The following SEMA4D variants were observed in gnomAD, a reference collection of about 807,000 sequenced individuals.
The protein encoded by SEMA4D is semaphorin-4D.
In SEMA4D, 22 loss-of-function variants were observed where a neutral mutation model predicts 74.8. The observed-to-expected ratio is 0.29, with a 90% CI of 0.21 to 0.42. SEMA4D has a LOEUF of 0.42. Among genes scored for constraint, SEMA4D ranks in the 10% least tolerant of loss-of-function variants. The pLI is 1.00. For missense variants in SEMA4D, 937 were observed against 1,118.4 expected (o/e 0.84, Z 2.31); for synonymous variants, 445 against 463.7 (o/e 0.96, Z 0.52).
chr9:89,424,437 C>A (rs1487525529), intron 2 of SEMA4D, among the ~76,000 whole-genome samples: 1 of 152,184 alleles, frequency 6.6e-6, no homozygotes, highest in Non-Finnish European at 1.5e-5. Context: ...AAGTTTCTTT[C>A]TAAAGCCCAC....
intron 2 of SEMA4D, among the ~76,000 whole-genome samples, chr9:89,431,503 CTT>C (rs1027637457): frequency 6.6e-6 from 1 of 152,126 alleles, no homozygotes; most frequent in East Asian, 1.9e-4. Flanking sequence ...CCTAGATTCT[CTT>C]TTGTTTTTTG....
intron 2 of SEMA4D, among the ~76,000 whole-genome samples, chr9:89,423,710 T>TC (rs1355393242): frequency 6.6e-6 from 1 of 150,720 alleles, no homozygotes; most frequent in Non-Finnish European, 1.5e-5. Context: ...GCACCTCCCC[T>TC]CCCTCTGCTA....
At chr9:89,472,772 T>C (rs1860716228) in intron 1 of SEMA4D, 1 of 155,304 alleles carries the variant, frequency 6.4e-6, no homozygotes, top group East Asian at 1.9e-4. Flanking sequence ...CAGTAGTAAA[T>C]TTTCTAGATA....
At chr9:89,384,756 G>A in intron 13 of SEMA4D, 1 of 985,412 alleles carries the variant, frequency 1.0e-6, no homozygotes, top group Non-Finnish European at 1.2e-6. Flanking sequence ...GGAGGGCGTG[G>A]TACTGGCCGT....
intron 2 of SEMA4D, among the ~76,000 whole-genome samples, chr9:89,418,985 G>A (rs1328738095): frequency 1.4e-5 from 2 of 143,308 alleles, no homozygotes; most frequent in East Asian, 2.5e-4. Flanking sequence ...AGGAGCCCCC[G>A]TCCCTCCCAC....
chr9:89,390,447 T>C (rs1000231670), intron 9 of SEMA4D, among the ~76,000 whole-genome samples: 3 of 152,206 alleles, frequency 2.0e-5, no homozygotes, highest in Admixed American at 6.5e-5. Flanking sequence ...ACCAGGTGGA[T>C]ACTCAGGTGT....
intron 1 of SEMA4D, among the ~76,000 whole-genome samples, chr9:89,464,933 C>T (rs1402451325): frequency 6.6e-6 from 1 of 152,190 alleles, no homozygotes; most frequent in Non-Finnish European, 1.5e-5. Flanking sequence ...ATTATATTAG[C>T]TTGCTTGCTT....
At chr9:89,370,626 G>T (rs900896414) in intron 16 of SEMA4D, among the ~76,000 whole-genome samples, 5 of 149,604 alleles carry the variant, frequency 3.3e-5, no homozygotes, top group Admixed American at 2.0e-4. Context: ...GATGTGTGTG[G>T]GGGGGTACAG....
chr9:89,466,738 T>A (rs1858828489), intron 1 of SEMA4D, among the ~76,000 whole-genome samples: 1 of 152,226 alleles, frequency 6.6e-6, no homozygotes, highest in Admixed American at 6.5e-5. Context: ...CTACATGGAC[T>A]GTGTTTCCAG....
intron 1 of SEMA4D, among the ~76,000 whole-genome samples, chr9:89,469,234 T>C (rs991004525): frequency 1.3e-5 from 2 of 152,048 alleles, no homozygotes; most frequent in African/African-American, 4.8e-5. Flanking sequence ...TCACACAAGA[T>C]GAAATAGATA....
Position 89,402,877 on chromosome 9 carries a change from C to T in SEMA4D, c.246G>A (p.Gln82=). 1 of 1,613,416 alleles carries T rather than the reference C, an allele frequency of 6.2e-7. No individual in the cohort carries two copies. ...AVNALNISEK[Q]HEVYWKVSED... is the part of the protein sequence containing the mutation. Reference sequence around the variant, plus strand: ...AGGGGAGCCCAGGACGTACCTCATGCTGCTTCTCGGAGATGTTGAGTGCGT... The same window carrying T: ...AGGGGAGCCCAGGACGTACCTCATGTTGCTTCTCGGAGATGTTGAGTGCGT... Residue 82 remains glutamine, a synonymous_variant, in exon 4 of 16, where the codon CAG becomes CAA. Coordinates refer to ENST00000422704, the MANE Select transcript of SEMA4D (RefSeq NM_001371194.2).
chr9:89,369,424 G>T (rs540350670), intron 16 of SEMA4D: 1 of 152,364 alleles, frequency 6.6e-6, no homozygotes, highest in Non-Finnish European at 1.5e-5. Context: ...CTTTGAAAAT[G>T]ACACGGGTCT....
At chr9:89,416,032 C>T (rs576384642) in intron 2 of SEMA4D, among the ~76,000 whole-genome samples, 3 of 152,324 alleles carry the variant, frequency 2.0e-5, no homozygotes, top group African/African-American at 7.2e-5. Context: ...TCTTATAAAA[C>T]TGTCCTACCT....
At chr9:89,491,439 G>T (rs1276214055) in intron 1 of SEMA4D, among the ~76,000 whole-genome samples, 4 of 152,172 alleles carry the variant, frequency 2.6e-5, no homozygotes, top group African/African-American at 9.7e-5. Flanking sequence ...GCATGGTGGC[G>T]TGTGCCTGTA....
Position 89,392,462 on chromosome 9 carries a change from T to G in SEMA4D, c.583A>C (p.Ser195Arg). The change falls in exon 8 of 16, where the codon AGT (serine) becomes CGT (arginine). Residue 195 changes from serine (S) to arginine (R), a missense_variant. Coordinates refer to ENST00000422704, the MANE Select transcript of SEMA4D (RefSeq NM_001371194.2). Reference sequence around the variant, plus strand: ...ATTGCATATTCTGTCCTCAGAGGACTGTGGGAAGAATTTCGGGAGATGATG... The same window carrying G: ...ATTGCATATTCTGTCCTCAGAGGACGGTGGGAAGAATTTCGGGAGATGATG... The part of the protein sequence containing the change: ...EPIISRNSSH[S>R]PLRTEYAIPW... The G allele has an allele frequency of 1.2e-6, 2 of 1,613,896 alleles. No homozygotes were observed. The highest frequency in any genetic ancestry group is 1.7e-6 in the Non-Finnish European group (2 of 1,179,822).
At chr9:89,478,004 T>C (rs1862193784) in intron 1 of SEMA4D, among the ~76,000 whole-genome samples, 1 of 152,228 alleles carries the variant, frequency 6.6e-6, no homozygotes, top group Non-Finnish European at 1.5e-5. Context: ...GTACTCTTAT[T>C]TCTACAGCTT....
chr9:89,451,301 G>GC (rs1275214195), intron 2 of SEMA4D, among the ~76,000 whole-genome samples: 1 of 152,102 alleles, frequency 6.6e-6, no homozygotes, highest in Non-Finnish European at 1.5e-5. Flanking sequence ...TGTCAGTCAG[G>GC]CCCCTCCCAT....
chr9:89,412,564 A>AC (rs1844766113), intron 2 of SEMA4D, among the ~76,000 whole-genome samples: 1 of 152,080 alleles, frequency 6.6e-6, no homozygotes, highest in Non-Finnish European at 1.5e-5. Flanking sequence ...GGGCACGGGC[A>AC]CCCCCACCTG....
chr9:89,455,767 T>A (rs567977145), intron 2 of SEMA4D, 121 bp downstream of exon 2: 1 of 152,388 alleles, frequency 6.6e-6, no homozygotes, highest in East Asian at 1.9e-4. Context: ...GCCTGGCAGG[T>A]CACACAGTGA....
Sources: allele counts gnomAD v4.1 joint callset (sites outside exome capture counted in the v4.1 genomes callset), GRCh38; gene constraint gnomAD v4.1.1; transcripts MANE v1.5; gene names NCBI Gene and HGNC (gene_info 2026-07-23, HGNC 2026-07-21).